Variants in ENAH observed in about 807,000 individuals in gnomAD.
ENAH encodes ENAH actin regulator.
A neutral mutation model predicts 78.7 loss-of-function variants in ENAH; 23 were observed. The observed-to-expected ratio is 0.29, with a 90% CI of 0.21 to 0.41. The LOEUF (loss-of-function observed/expected upper bound fraction) is 0.41. ENAH is among the 10% of genes least tolerant of loss of function. ENAH has a pLI of 1.00. For missense variants in ENAH, 544 were observed against 691.0 expected (o/e 0.79, Z 2.39); for synonymous variants, 226 against 241.0 (o/e 0.94, Z 0.58).
intron 1 of ENAH, 33 bp downstream of exon 1, chr1:225,652,653 G>GCCCGCCCGGCC: frequency 3.9e-6 from 5 of 1,266,508 alleles, no homozygotes; most frequent in Non-Finnish European, 5.0e-6. Context: ...CGGCACAATG[G>GCCCGCCCGGCC]CCCGCCCGGC....
rs770002859 is a variant in ENAH at position 225,567,276 on chromosome 1, C to T, written c.144G>A (p.Val48=). The T allele has an allele frequency of 1.2e-6, 2 of 1,613,854 alleles. No homozygotes were observed. Among genetic ancestry groups the T allele is most frequent in the South Asian group, 1.1e-5 (1 of 90,970 alleles). The part of the protein sequence containing the change: ...YHHTGNNTFR[V]VGRKIQDHQV... ...GATGGTCCTGAATCTTCCTGCCCAC[C>T]ACTCTGAATGTGTTGTTGCCTGTAT... is the stretch of plus-strand genomic sequence containing the variant. The change falls in exon 2 of 14, where the codon GTG becomes GTA. Residue 48 remains valine, a synonymous_variant. Transcript: ENST00000366843.
At chr1:225,588,954 G>A (rs1168550467) in intron 1 of ENAH, among the ~76,000 whole-genome samples, 1 of 152,074 alleles carries the variant, frequency 6.6e-6, no homozygotes, top group East Asian at 1.9e-4. Flanking sequence ...TGAATAAATT[G>A]TGGTGTATTC....
At chr1:225,628,669 G>A (rs1658393209) in intron 1 of ENAH, among the ~76,000 whole-genome samples, 1 of 152,168 alleles carries the variant, frequency 6.6e-6, no homozygotes, top group African/African-American at 2.4e-5. Flanking sequence ...CCAGCACTTT[G>A]GGAGGCCAAG....
chr1:225,636,065 C>T (rs1475028855), intron 1 of ENAH, among the ~76,000 whole-genome samples: 1 of 152,158 alleles, frequency 6.6e-6, no homozygotes, highest in Admixed American at 6.5e-5. Context: ...AAGCCAATTC[C>T]TTTAAATAAA....
At chr1:225,612,099 A>C (rs886503913) in intron 1 of ENAH, among the ~76,000 whole-genome samples, 2 of 152,214 alleles carry the variant, frequency 1.3e-5, no homozygotes, top group African/African-American at 4.8e-5. Flanking sequence ...TGTCCGAAAA[A>C]ACTGAAAACA....
chr1:225,599,058 A>G (rs1272837933), intron 1 of ENAH, among the ~76,000 whole-genome samples: 1 of 152,186 alleles, frequency 6.6e-6, no homozygotes, highest in Non-Finnish European at 1.5e-5. Flanking sequence ...CAGATGATGG[A>G]CTGAAAAGAA....
intron 1 of ENAH, among the ~76,000 whole-genome samples, chr1:225,578,048 T>C (rs1006967245): frequency 5.9e-5 from 9 of 152,178 alleles, no homozygotes; most frequent in African/African-American, 2.2e-4. Flanking sequence ...ATCTGCAACA[T>C]ACCTGGAGAC....
At chr1:225,594,115 T>A (rs186408912) in intron 1 of ENAH, among the ~76,000 whole-genome samples, 1 of 152,338 alleles carries the variant, frequency 6.6e-6, no homozygotes, top group Admixed American at 6.5e-5. Context: ...CTTGTTATCT[T>A]GAGAACCATT....
At chr1:225,618,798 C>G (rs1212250595) in intron 1 of ENAH, among the ~76,000 whole-genome samples, 1 of 152,146 alleles carries the variant, frequency 6.6e-6, no homozygotes, top group Non-Finnish European at 1.5e-5. Context: ...CAGGAATCAC[C>G]TTTAAAAAAA....
At position 225,586,182 on chromosome 1, in the gene ENAH, A is replaced by C. The variant is rs530289310; in HGVS notation, c.6-18768T>G. The stretch of plus-strand genomic sequence containing the variant: ...GGCATAAGAATCGTTTGAACCCGGA[A>C]GGCGGAGGCTGCAGTGAGCCGAGGT... On this transcript the variant is annotated intron_variant, in intron 1 of 13. Transcript: ENST00000366843. 9.2e-4 allele frequency among the ~76,000 whole-genome samples: 129 copies of C among 139,934 alleles called. 1 individual carries two copies. The highest frequency in any genetic ancestry group is 3.2e-3 in the African/African-American group (121 of 37,922). The allele number at this position is 139,934 out of a possible 152,430, so 91.8% of individuals were successfully genotyped here.
chr1:225,563,951 C>T (rs985770084), intron 2 of ENAH, among the ~76,000 whole-genome samples: 3 of 152,142 alleles, frequency 2.0e-5, no homozygotes, highest in African/African-American at 7.2e-5. Context: ...CGTTTTCCTA[C>T]TCTTCAGTTT....
At chr1:225,577,849 C>CTA (rs2151587643) in intron 1 of ENAH, among the ~76,000 whole-genome samples, 1 of 152,250 alleles carries the variant, frequency 6.6e-6, no homozygotes, top group Admixed American at 6.5e-5. Flanking sequence ...GAGAATGTAC[C>CTA]TACCACATGT....
chr1:225,487,892 C>A lies in ENAH; in HGVS notation c.*9883G>T, dbSNP rs2096206561. Reference sequence around the variant, plus strand: ...TAAGAAATTCACTTTTAAATTTTTTCTACTGTGCTGTTCTACTATATACTT... The same window carrying A: ...TAAGAAATTCACTTTTAAATTTTTTATACTGTGCTGTTCTACTATATACTT... On this transcript the variant is annotated 3_prime_UTR_variant, in exon 14 of 14. Transcript: ENST00000366843. 2 of 152,030 alleles carry A rather than the reference C, an allele frequency of 1.3e-5. No individual in the cohort carries two copies. Among genetic ancestry groups the A allele is most frequent in the Non-Finnish European group, 2.9e-5 (2 of 68,002 alleles). The allele number at this position is 152,030 out of a possible 1,614,324, so 9.4% of individuals were successfully genotyped here. A position where few individuals can be genotyped will look rare whatever the true frequency, so the allele number is the denominator to read the frequency against.
At chr1:225,647,606 C>A (rs1662198079) in intron 1 of ENAH, among the ~76,000 whole-genome samples, 2 of 152,114 alleles carry the variant, frequency 1.3e-5, no homozygotes, top group South Asian at 4.1e-4. Context: ...AAATTCTACA[C>A]CTATTCCTGG....
At chr1:225,586,330 G>A (rs1192440813) in intron 1 of ENAH, among the ~76,000 whole-genome samples, 1 of 151,030 alleles carries the variant, frequency 6.6e-6, no homozygotes, top group South Asian at 2.1e-4. Flanking sequence ...AAAAGTAGAG[G>A]GAAAAGGAAG....
chr1:225,547,864 C>A (rs902510294), intron 3 of ENAH, among the ~76,000 whole-genome samples: 1 of 152,162 alleles, frequency 6.6e-6, no homozygotes, highest in Non-Finnish European at 1.5e-5. Context: ...CAGCTTGTCA[C>A]TAATATGTTC....
At chr1:225,515,069 T>A in intron 6 of ENAH, 169 bp from the exon 7 acceptor site, 1 of 665,418 alleles carries the variant, frequency 1.5e-6, no homozygotes, top group Non-Finnish European at 2.6e-6. Context: ...TGAAAGATAC[T>A]GAAATGTAAG....
At chr1:225,633,766 TATC>T (rs1472950605) in intron 1 of ENAH, among the ~76,000 whole-genome samples, 1 of 152,206 alleles carries the variant, frequency 6.6e-6, no homozygotes, top group African/African-American at 2.4e-5. Flanking sequence ...TTATCAAAGT[TATC>T]ATATATAATT....
chr1:225,520,931 AGGGAGGG>A (rs1558748479), intron 4 of ENAH, among the ~76,000 whole-genome samples: 34 of 540 alleles, frequency 0.063, 1 homozygote, highest in South Asian at 0.25. Context: ...GAAGGGAGGG[AGGGAGGG>A]AGGGAGGGAG....
Sources: gnomAD v4.1 joint callset for allele counts (sites outside exome capture counted in the v4.1 genomes callset) on GRCh38, gnomAD v4.1.1 for gene constraint, MANE v1.5 for transcripts, NCBI Gene and HGNC (gene_info 2026-07-23, HGNC 2026-07-21) for gene names.